PAPPA: variants seen among roughly 807,000 people sequenced by gnomAD.
PAPPA encodes pappalysin 1, also known as pappalysin-1.
A neutral mutation model predicts 164.0 loss-of-function variants in PAPPA; 60 were observed. The observed-to-expected ratio is 0.37, with a 90% CI of 0.30 to 0.45. The LOEUF (loss-of-function observed/expected upper bound fraction) is 0.45, where lower values mean the gene tolerates loss of function less well. PAPPA is among the 20% of genes least tolerant of loss of function. The pLI is 1.00. For missense variants in PAPPA, 1,782 were observed against 2,087.3 expected (o/e 0.85, Z 2.85); for synonymous variants, 875 against 814.1 (o/e 1.07, Z -1.27).
intron 8 of PAPPA, among the ~76,000 whole-genome samples, chr9:116,269,130 T>C (rs894289894): frequency 1.3e-5 from 2 of 152,228 alleles, no homozygotes; most frequent in African/African-American, 4.8e-5. Flanking sequence ...GAGTCTCTAC[T>C]GTGCATGAAG....
chr9:116,309,368 G>A (rs557130863), intron 10 of PAPPA, among the ~76,000 whole-genome samples: 3 of 152,236 alleles, frequency 2.0e-5, no homozygotes, highest in African/African-American at 7.2e-5. Context: ...GACCCACTGC[G>A]CCCAGCCAGA....
chr9:116,254,556 G>C (rs1037677960), intron 7 of PAPPA, among the ~76,000 whole-genome samples: 2 of 152,146 alleles, frequency 1.3e-5, no homozygotes, highest in African/African-American at 4.8e-5. Context: ...GCCAGGGTGG[G>C]CGGATCACAA....
chr9:116,219,096 A>G lies in PAPPA; in HGVS notation c.1919-841A>G, dbSNP rs969909497. On this transcript the variant is annotated intron_variant, in intron 4 of 21. Transcript: ENST00000328252. ...TAGTCATGCAGCACTTTCTCCTGCAATCCCTCTCCTTTCTTTTCCAATCTT... is the reference window on the plus strand; with the variant it reads ...TAGTCATGCAGCACTTTCTCCTGCAGTCCCTCTCCTTTCTTTTCCAATCTT... Among the ~76,000 whole-genome samples the G allele has an allele frequency of 5.8e-4, 88 of 152,190 alleles. 1 individual carries two copies. Among genetic ancestry groups the G allele is most frequent in the African/African-American group, 2.1e-3 (86 of 41,512 alleles).
rs976627657 is a variant in PAPPA at position 116,188,353 on chromosome 9, T to C, written c.1478+137T>C. 10 of 645,610 alleles carry C rather than the reference T, an allele frequency of 1.5e-5. No individual in the cohort carries two copies. In the African/African-American group the frequency reaches 1.8e-4, roughly 12 times the overall value. The allele number at this position is 645,610 out of a possible 1,614,324, so 40.0% of individuals were successfully genotyped here. ...CCAGCAGCTTCATGATTGAGGCAAG[T>C]CTTTTACTCGGGTCATTGTGGAGAC... On this transcript the variant is annotated intron_variant, in intron 2 of 21. Transcript: ENST00000328252.
intron 17 of PAPPA, among the ~76,000 whole-genome samples, chr9:116,359,588 CA>C (rs1018885048): frequency 6.6e-6 from 1 of 152,154 alleles, no homozygotes; most frequent in Admixed American, 6.5e-5. Context: ...ACTCAGTCAG[CA>C]ATAATTGACT....
chr9:116,332,585 C>T, intron 12 of PAPPA, 117 bp downstream of exon 12: 1 of 941,580 alleles, frequency 1.1e-6, no homozygotes, highest in Non-Finnish European at 1.6e-6. Flanking sequence ...CCCTTTCTTG[C>T]TTCTTTTCTA....
chr9:116,322,199 G>A (rs1459217175), intron 10 of PAPPA, among the ~76,000 whole-genome samples: 3 of 152,010 alleles, frequency 2.0e-5, no homozygotes, highest in African/African-American at 7.2e-5. Context: ...GGCCAAGGCA[G>A]GTGGATCACC....
At position 116,399,579 on chromosome 9, in the gene PAPPA, G is replaced by T. The variant is rs41266655; in HGVS notation, c.*2963G>T. On this transcript the variant is annotated 3_prime_UTR_variant, in exon 22 of 22. Transcript: ENST00000328252. ...CTAAAACACTGAAGGTTCTGCATCTGAAGTATTAGATTGTTAGCAGCAAAA... is the reference window on the plus strand; with the variant it reads ...CTAAAACACTGAAGGTTCTGCATCTTAAGTATTAGATTGTTAGCAGCAAAA... 0.032 allele frequency: 4,882 copies of T among 152,684 alleles called. 102 individuals carry two copies. Among genetic ancestry groups the T allele is most frequent in the East Asian group, 0.073 (376 of 5,184 alleles). 9.5% of individuals were successfully genotyped at this position (152,684 alleles called of 1,614,324 possible).
At chr9:116,174,268 G>C (rs1002172483) in intron 1 of PAPPA, among the ~76,000 whole-genome samples, 8 of 152,158 alleles carry the variant, frequency 5.3e-5, no homozygotes, top group African/African-American at 1.9e-4. Context: ...AGATCTGCCT[G>C]TCTGGCCTTG....
At chr9:116,278,268 C>T (rs1019578250) in intron 9 of PAPPA, among the ~76,000 whole-genome samples, 1 of 152,130 alleles carries the variant, frequency 6.6e-6, no homozygotes, top group Non-Finnish European at 1.5e-5. Context: ...ATAATTGCAC[C>T]ATTTTGCTGG....
chr9:116,352,738 G>A lies in PAPPA; in HGVS notation c.3997G>A (p.Gly1333Arg). 3 of 1,613,272 alleles carry A rather than the reference G, an allele frequency of 1.9e-6. No homozygotes were observed. The highest frequency in any genetic ancestry group is 2.5e-6 in the Non-Finnish European group (3 of 1,180,022). Residue 1333 changes from glycine (G) to arginine (R), a missense_variant, in exon 16 of 22, where the codon GGG becomes AGG. By Grantham distance (125) the Gly-to-Arg change is moderately radical. Around this residue, in one of 2 missense-constraint regions of PAPPA, gnomAD observed 1,324 missense variants for 1,656.9 expected, o/e 0.80. Transcript: ENST00000328252. ...NNSLLTCMED[G>R]LWSFPEALCE... is the part of the protein sequence containing the mutation. ...CAGCCTCCTGACCTGCATGGAGGATGGGCTGTGGTCCTTCCCAGAGGCCCT... is the reference window on the plus strand; with the variant it reads ...CAGCCTCCTGACCTGCATGGAGGATAGGCTGTGGTCCTTCCCAGAGGCCCT...
chr9:116,327,540 C>T (rs979646653), intron 10 of PAPPA, among the ~76,000 whole-genome samples: 2 of 151,712 alleles, frequency 1.3e-5, no homozygotes, highest in African/African-American at 4.8e-5. Context: ...GTAAAGTCAA[C>T]ATTGCTCAGC....
At chr9:116,289,147 T>TAGC (rs1294024312) in intron 9 of PAPPA, among the ~76,000 whole-genome samples, 2 of 31,140 alleles carry the variant, frequency 6.4e-5, no homozygotes, top group South Asian at 1.5e-3. Flanking sequence ...TATATATATA[T>TAGC]ATATATATAT....
chr9:116,313,693 T>C (rs1321403276), intron 10 of PAPPA, among the ~76,000 whole-genome samples: 1 of 152,214 alleles, frequency 6.6e-6, no homozygotes, highest in African/African-American at 2.4e-5. Flanking sequence ...GTTCTACATA[T>C]GAATGTCCTG....
intron 3 of PAPPA, among the ~76,000 whole-genome samples, chr9:116,209,633 G>T (rs1844282406): frequency 6.6e-6 from 1 of 152,140 alleles, no homozygotes; most frequent in African/African-American, 2.4e-5. Flanking sequence ...AAACAGGACT[G>T]GGGCCCAAGT....
At chr9:116,192,279 C>A (rs554570166) in intron 2 of PAPPA, among the ~76,000 whole-genome samples, 20 of 152,194 alleles carry the variant, frequency 1.3e-4, no homozygotes, top group African/African-American at 4.8e-4. Context: ...AGACAGCCAG[C>A]CCATGCAGAG....
chr9:116,305,709 C>T (rs1373671409), intron 10 of PAPPA, among the ~76,000 whole-genome samples: 1 of 152,160 alleles, frequency 6.6e-6, no homozygotes, highest in African/African-American at 2.4e-5. Flanking sequence ...CTATAAGTTA[C>T]ATGGTCCATA....
intron 1 of PAPPA, among the ~76,000 whole-genome samples, chr9:116,178,717 G>A (rs1843865735): frequency 6.6e-6 from 1 of 152,198 alleles, no homozygotes; most frequent in Admixed American, 6.5e-5. Flanking sequence ...TTTATCATTA[G>A]TTCCCCCACT....
intron 13 of PAPPA, among the ~76,000 whole-genome samples, chr9:116,336,479 A>C (rs1001810574): frequency 1.3e-5 from 2 of 152,156 alleles, no homozygotes; most frequent in African/African-American, 4.8e-5. Context: ...AAAATAAGTT[A>C]ATTCTCAGAG....
Sources: allele counts gnomAD v4.1 joint callset (sites outside exome capture counted in the v4.1 genomes callset), GRCh38; gene constraint gnomAD v4.1.1; regional missense constraint gnomAD v4.1.1; transcripts MANE v1.5; gene names NCBI Gene and HGNC (gene_info 2026-07-23, HGNC 2026-07-21).